The following CPVL variants were observed in gnomAD, a reference collection of about 807,000 sequenced individuals.
CPVL encodes the protein probable serine carboxypeptidase CPVL.
CPVL carries 51 observed loss-of-function variants against 63.7 expected under a neutral mutation model. The observed-to-expected ratio is 0.80, with a 90% CI of 0.64 to 1.01. CPVL has a LOEUF of 1.01. CPVL is among the 50% of genes least tolerant of loss of function. The pLI is 0.00. For missense variants in CPVL, 530 were observed against 573.1 expected (o/e 0.92, Z 0.77); for synonymous variants, 195 against 206.0 (o/e 0.95, Z 0.46).
intron 11 of CPVL, among the ~76,000 whole-genome samples, chr7:29,060,131 T>C (rs887257182): frequency 6.6e-6 from 1 of 152,186 alleles, no homozygotes; most frequent in East Asian, 1.9e-4. Context: ...TTAAAGACTT[T>C]CACAAAATTT....
At position 29,064,190 on chromosome 7, in the gene CPVL, T is replaced by C. The variant is rs753457415; in HGVS notation, c.1008A>G (p.Pro336=). 3 of 1,613,436 alleles carry C rather than the reference T, an allele frequency of 1.9e-6. No homozygotes were observed. The highest frequency in any genetic ancestry group is 2.5e-6 in the Non-Finnish European group (3 of 1,179,388). ...QLYYVKFLSL[P]EVRQAIHVGN... ...CCACGTGGATGGCTTGTCTCACCTC[T>C]GGGAGTGACAAAAATTTCACATAGT... Residue 336 remains proline, a synonymous_variant, in exon 11 of 13, where the codon CCA becomes CCG. Transcript: ENST00000265394.
In CPVL at chr7:29,030,778, A is replaced by G. The variant is rs112539958; in HGVS notation, c.1138-19T>C. ...TCAGAACCTGAAATGAAATCAAGCC[A>G]TCAGCAAATGCAAGATTCAGGAGGT... On this transcript the variant is annotated intron_variant, in intron 11 of 12. Coordinates refer to ENST00000265394, the MANE Select transcript of CPVL (RefSeq NM_031311.5). The G allele has an allele frequency of 9.1e-5, 144 of 1,587,294 alleles. No individual in the cohort carries two copies. Among genetic ancestry groups the G allele is most frequent in the Non-Finnish European group, 1.2e-4 (140 of 1,168,370 alleles).
rs1384779202 is a variant in CPVL, at chr7:29,096,318, T to C, written c.289-101A>G. The C allele has an allele frequency of 3.5e-5, 32 of 913,590 alleles. No homozygotes were observed. In the Admixed American group the frequency reaches 5.2e-4, roughly 15 times the overall value. 56.6% of individuals were successfully genotyped at this position (913,590 alleles called of 1,614,324 possible). A position where few individuals can be genotyped will look rare whatever the true frequency, so the allele number is the denominator to read the frequency against. On this transcript the variant is annotated intron_variant, in intron 3 of 12. Coordinates refer to ENST00000265394, the MANE Select transcript of CPVL (RefSeq NM_031311.5). The stretch of plus-strand genomic sequence containing the variant: ...CCAAATCCTCTCTGTGTTACAGGGC[T>C]GTGACTAAATCCTACAAAACCTCCC...
chr7:29,060,800 T>C (rs1408196759), intron 11 of CPVL, among the ~76,000 whole-genome samples: 1 of 152,212 alleles, frequency 6.6e-6, no homozygotes, highest in African/African-American at 2.4e-5. Flanking sequence ...CTAGTTCCTA[T>C]GAATAGAAAC....
At chr7:29,180,440 T>C (rs1326333378) in intron 5 of CPVL, among the ~76,000 whole-genome samples, 1 of 151,668 alleles carries the variant, frequency 6.6e-6, no homozygotes, top group Non-Finnish European at 1.5e-5. Flanking sequence ...GGCAGGAGAA[T>C]CACTTGAACC....
intron 3 of CPVL, among the ~76,000 whole-genome samples, chr7:29,185,192 A>G (rs886587048): frequency 6.6e-6 from 1 of 152,174 alleles, no homozygotes; most frequent in African/African-American, 2.4e-5. Flanking sequence ...CTTCTTTATG[A>G]TTGAGAAATG....
At chr7:29,072,022 G>A (rs1783796882) in intron 8 of CPVL, 118 bp from the exon 9 acceptor site, 2 of 1,269,666 alleles carry the variant, frequency 1.6e-6, no homozygotes, top group Non-Finnish European at 2.2e-6. Flanking sequence ...GGTTAGCCAA[G>A]TAGGATAATT....
intron 3 of CPVL, chr7:29,185,440 A>C (rs1407935672): frequency 6.6e-6 from 1 of 152,160 alleles, no homozygotes; most frequent in Non-Finnish European, 1.5e-5. Context: ...TCTTGATAAG[A>C]ATTTGATTCC....
upstream of CPVL, among the ~76,000 whole-genome samples, chr7:29,147,793 C>A (rs1792966991): frequency 6.6e-6 from 1 of 152,150 alleles, no homozygotes; most frequent in African/African-American, 2.4e-5. Context: ...AGGCCAGATA[C>A]CTAAATATTT....
In CPVL at chr7:29,023,101, CAGG is replaced by C. The variant is rs371812331; in HGVS notation, c.1320+7473_1320+7475del. Among the ~76,000 whole-genome samples the C allele has an allele frequency of 2.9e-4, 44 of 152,342 alleles. 1 individual carries two copies. In the South Asian group the frequency reaches 7.5e-3, roughly 26 times the overall value. On this transcript the variant is annotated intron_variant, in intron 12 of 12. Coordinates refer to ENST00000265394, the MANE Select transcript of CPVL (RefSeq NM_031311.5). ...CATTGGTGATGCCATGCACACTGCCCAGGAGTTCAGTGATCCACTTGCCAGCCT... is the reference window on the plus strand; with the variant it reads ...CATTGGTGATGCCATGCACACTGCCCAGTTCAGTGATCCACTTGCCAGCCT...
intron 12 of CPVL, among the ~76,000 whole-genome samples, chr7:29,025,557 T>C (rs1787410700): frequency 6.6e-6 from 1 of 152,132 alleles, no homozygotes; most frequent in African/African-American, 2.4e-5. Context: ...AGCTTGAGAC[T>C]TGGAGGGGAC....
intron 2 of CPVL, among the ~76,000 whole-genome samples, chr7:29,115,051 G>A (rs1788641999): frequency 6.6e-6 from 1 of 152,154 alleles, no homozygotes; most frequent in South Asian, 2.1e-4. Flanking sequence ...ATCCTAACTA[G>A]ATTAGGACTC....
chr7:29,108,024 C>G (rs911163630), intron 3 of CPVL, among the ~76,000 whole-genome samples: 1 of 152,220 alleles, frequency 6.6e-6, no homozygotes, highest in African/African-American at 2.4e-5. Context: ...ATTGTGCTAT[C>G]TGATCATCCT....
intron 7 of CPVL, among the ~76,000 whole-genome samples, chr7:29,078,071 T>C (rs1446876984): frequency 6.6e-6 from 1 of 152,164 alleles, no homozygotes; most frequent in Non-Finnish European, 1.5e-5. Flanking sequence ...TTCCAGACCA[T>C]GCGTCATCTA....
intron 3 of CPVL, among the ~76,000 whole-genome samples, chr7:29,184,969 C>T (rs1798532010): frequency 6.6e-6 from 1 of 152,168 alleles, no homozygotes. Context: ...TCTGTTGCTG[C>T]CACCATTGAG....
At chr7:29,187,191 TA>T (rs747070976) in intron 1 of CPVL, among the ~76,000 whole-genome samples, 5 of 152,160 alleles carry the variant, frequency 3.3e-5, no homozygotes, top group Non-Finnish European at 4.4e-5. Context: ...CTTTATCTTA[TA>T]GGGGCCAAAT....
chr7:29,056,923 T>C lies in CPVL; in HGVS notation c.1137+7138A>G, dbSNP rs539771500. ...TTTAATTTGTAATACCCTAATGACA[T>C]ATGATGTTGAACATCTTTTCCTTTT... On this transcript the variant is annotated intron_variant, in intron 11 of 12. Transcript: ENST00000265394. Among the ~76,000 whole-genome samples, 3 of 151,506 alleles carry C rather than the reference T, an allele frequency of 2.0e-5. No individual in the cohort carries two copies. The South Asian group carries it at 6.3e-4, about 32-fold the overall frequency.
chr7:29,181,150 G>A (rs762854780), intron 5 of CPVL: 1 of 152,212 alleles, frequency 6.6e-6, no homozygotes, highest in African/African-American at 2.4e-5. Context: ...CATGATATAT[G>A]TGGTGAGTTC....
chr7:29,117,465 G>A (rs551175955), intron 2 of CPVL, among the ~76,000 whole-genome samples: 3 of 152,204 alleles, frequency 2.0e-5, no homozygotes, highest in African/African-American at 4.8e-5. Flanking sequence ...CAGACCTTTC[G>A]CTATTTACGT....
Sources: allele counts gnomAD v4.1 joint callset (sites outside exome capture counted in the v4.1 genomes callset), GRCh38; gene constraint gnomAD v4.1.1; transcripts MANE v1.5; gene names NCBI Gene and HGNC (gene_info 2026-07-23, HGNC 2026-07-21).